The following ZSWIM4 variants were observed in gnomAD, a reference collection of about 807,000 sequenced individuals.
ZSWIM4 encodes the protein zinc finger SWIM-type containing 4, also known as zinc finger SWIM domain-containing protein 4.
Under a neutral mutation model 102.5 loss-of-function variants are expected in ZSWIM4, and 62 were observed. The observed-to-expected ratio is 0.60, with a 90% CI of 0.49 to 0.75. The LOEUF (loss-of-function observed/expected upper bound fraction) is 0.75. Among genes scored for constraint, ZSWIM4 ranks in the 30% least tolerant of loss-of-function variants. ZSWIM4 has a pLI of 0.00. For missense variants in ZSWIM4, 1,280 were observed against 1,529.6 expected (o/e 0.84, Z 2.72); for synonymous variants, 652 against 674.5 (o/e 0.97, Z 0.52).
chr19:13,797,677 G>A (rs546169977), intron 1 of ZSWIM4, among the ~76,000 whole-genome samples: 2 of 152,244 alleles, frequency 1.3e-5, no homozygotes, highest in East Asian at 3.9e-4. Flanking sequence ...TATCTGAAAC[G>A]AGTCTCAGTC....
At chr19:13,817,624 C>A in intron 8 of ZSWIM4, 98 bp from the exon 9 acceptor site, 1 of 1,452,092 alleles carries the variant, frequency 6.9e-7, no homozygotes, top group Non-Finnish European at 9.3e-7. Context: ...CCCTCTAAAG[C>A]CTACCCTGCG....
In ZSWIM4 at chr19:13,805,162, G is replaced by A. The variant is rs202200756; in HGVS notation, c.712+14G>A. The A allele has an allele frequency of 2.0e-4, 319 of 1,588,438 alleles. 1 individual carries two copies. Among genetic ancestry groups the A allele is most frequent in the Non-Finnish European group, 5.2e-5 (61 of 1,171,716 alleles). On this transcript the variant is annotated intron_variant, in intron 3 of 13. Coordinates refer to ENST00000590508, the MANE Select transcript of ZSWIM4 (RefSeq NM_001367834.3). ...ACTTGGTGAATGGTAAGGGCACCCC[G>A]GGGGTCCGGTGGGGAGAGGATGCCC...
intron 3 of ZSWIM4, among the ~76,000 whole-genome samples, chr19:13,806,987 A>C (rs559430728): frequency 2.5e-4 from 38 of 151,904 alleles, no homozygotes; most frequent in African/African-American, 8.9e-4. Context: ...TTGATAATGA[A>C]TGGGTGGTTT....
At chr19:13,800,168 C>T (rs1974724079) in intron 2 of ZSWIM4, among the ~76,000 whole-genome samples, 2 of 146,652 alleles carry the variant, frequency 1.4e-5, no homozygotes, top group Admixed American at 6.8e-5. Flanking sequence ...CCTGGGTTCA[C>T]GCCATTCTGC....
At chr19:13,829,388 C>T (rs1467536133) in intron 13 of ZSWIM4, among the ~76,000 whole-genome samples, 1 of 152,210 alleles carries the variant, frequency 6.6e-6, no homozygotes. Flanking sequence ...GTCAGGAGTT[C>T]GAGACCAGCC....
intron 2 of ZSWIM4, among the ~76,000 whole-genome samples, chr19:13,802,205 T>A (rs954809878): frequency 6.6e-6 from 1 of 150,772 alleles, no homozygotes; most frequent in Non-Finnish European, 1.5e-5. Flanking sequence ...CTCGATCTCC[T>A]GACCTAGTGA....
Position 13,804,907 on chromosome 19 carries a change from T to C in ZSWIM4, c.471T>C (p.Cys157=). The change falls in exon 3 of 14, where the codon TGT becomes TGC. Residue 157 remains cysteine (C), a synonymous_variant. Coordinates refer to ENST00000590508, the MANE Select transcript of ZSWIM4 (RefSeq NM_001367834.3). ...RCKITSVSCG[C]DNRDLFYCAH... ...AGATCACGTCCGTGAGCTGCGGCTG[T>C]GACAACCGCGACCTCTTCTACTGTG... is the stretch of plus-strand genomic sequence containing the variant. 2.5e-6 allele frequency: 4 copies of C among 1,613,568 alleles called. No individual in the cohort carries two copies. Among genetic ancestry groups the C allele is most frequent in the Non-Finnish European group, 3.4e-6 (4 of 1,180,018 alleles).
In ZSWIM4 at chr19:13,828,695, G is replaced by A. The variant is rs1169157574; in HGVS notation, c.2430G>A (p.Val810=). 1 of 1,614,184 alleles carries A rather than the reference G, an allele frequency of 6.2e-7. No homozygotes were observed. The highest frequency in any genetic ancestry group is 1.7e-5 in the Admixed American group (1 of 60,014). The change falls in exon 13 of 14, where the codon GTG becomes GTA. Residue 810 remains valine, a synonymous_variant. Transcript: ENST00000590508. The part of the protein sequence containing the change: ...NVMTWRRREM[V]RWLVSCATEI... ...TGACCTGGCGGCGGAGGGAGATGGT[G>A]CGCTGGCTGGTCAGCTGTGCCACAG...
chr19:13,815,748 G>T (rs1474481904), intron 7 of ZSWIM4, among the ~76,000 whole-genome samples: 1 of 151,646 alleles, frequency 6.6e-6, no homozygotes. Context: ...GGGATTACAG[G>T]TGTAAGCCAC....
At chr19:13,796,013 C>T (rs1974602592) in intron 1 of ZSWIM4, among the ~76,000 whole-genome samples, 2 of 150,862 alleles carry the variant, frequency 1.3e-5, no homozygotes, top group Non-Finnish European at 3.0e-5. Flanking sequence ...CCCATCCCTT[C>T]TCTGCCATCT....
intron 3 of ZSWIM4, 68 bp from the exon 4 acceptor site, chr19:13,808,768 C>G: frequency 6.2e-6 from 8 of 1,297,268 alleles, no homozygotes; most frequent in Middle Eastern, 2.7e-4. Context: ...AAAAGGACAG[C>G]TCTCCTCAAC....
rs1171908403 is a variant in ZSWIM4 at position 13,817,876 on chromosome 19, G to T, written c.1824G>T (p.Val608=). ...AGGGGCTGTACGCCCAGGACAAGGT[G>T]GTGCGCAACGAGGAGCAGCTGCTGG... ...LPEGLYAQDK[V]VRNEEQLLAL... is the part of the protein sequence containing the mutation. The change falls in exon 9 of 14, where the codon GTG becomes GTT. Residue 608 remains valine, a synonymous_variant. Transcript: ENST00000590508. 2 of 1,552,616 alleles carry T rather than the reference G, an allele frequency of 1.3e-6. No individual in the cohort carries two copies. Among genetic ancestry groups the T allele is most frequent in the Non-Finnish European group, 1.7e-6 (2 of 1,147,740 alleles).
At chr19:13,810,512 C>T (rs1443022607) in intron 5 of ZSWIM4, among the ~76,000 whole-genome samples, 2 of 140,742 alleles carry the variant, frequency 1.4e-5, no homozygotes, top group Non-Finnish European at 3.1e-5. Context: ...AGGCTGGTCT[C>T]GAACTCCTGT....
intron 10 of ZSWIM4, 121 bp downstream of exon 10, chr19:13,819,613 C>T: frequency 9.3e-7 from 1 of 1,070,134 alleles, no homozygotes; most frequent in Non-Finnish European, 1.3e-6. Flanking sequence ...TTCAGTCTCT[C>T]TCACCCTGGC....
Position 13,819,412 on chromosome 19 carries a change from C to T in ZSWIM4, c.1980C>T (p.His660=), listed in dbSNP as rs1485631923. The T allele has an allele frequency of 1.2e-6, 2 of 1,612,678 alleles. No homozygotes were observed. The highest frequency in any genetic ancestry group is 2.2e-5 in the South Asian group (2 of 90,680). Residue 660 remains histidine (H), a synonymous_variant, in exon 10 of 14, where the codon CAC becomes CAT. Coordinates refer to ENST00000590508, the MANE Select transcript of ZSWIM4 (RefSeq NM_001367834.3). ...TGTTCCGGGAGAGCGTGCCCATGCACACCTGTGCCCGCTACCTGTTCACCG... is the reference window on the plus strand; with the variant it reads ...TGTTCCGGGAGAGCGTGCCCATGCATACCTGTGCCCGCTACCTGTTCACCG... The part of the protein sequence containing the change: ...EVLFRESVPM[H]TCARYLFTAL...
At chr19:13,800,065 A>ATTTTTTTT (rs71170569) in intron 2 of ZSWIM4, 144 bp downstream of exon 2, 17,658 of 377,686 alleles carry the variant, frequency 0.047, 1,085 homozygotes, top group African/African-American at 0.16. Context: ...ATTGTACAAG[A>ATTTTTTTT]TTTTTTTTTT....
chr19:13,801,661 GT>G (rs1974773276), intron 2 of ZSWIM4, among the ~76,000 whole-genome samples: 1 of 146,664 alleles, frequency 6.8e-6, no homozygotes, highest in Non-Finnish European at 1.5e-5. Context: ...TAGAGTAGAA[GT>G]TTAGAATTCT....
intron 12 of ZSWIM4, among the ~76,000 whole-genome samples, chr19:13,827,352 C>T (rs1975635980): frequency 6.6e-6 from 1 of 151,170 alleles, no homozygotes; most frequent in Non-Finnish European, 1.5e-5. Flanking sequence ...CACCTGTAAT[C>T]CCAGCACTTT....
chr19:13,823,583 T>C (rs1975528552), intron 11 of ZSWIM4, 83 bp downstream of exon 11: 6 of 1,468,658 alleles, frequency 4.1e-6, no homozygotes, highest in South Asian at 1.3e-5. Flanking sequence ...TCCTGCCTCC[T>C]CTTATCCTTT....
Sources: gnomAD v4.1 joint callset for allele counts (sites outside exome capture counted in the v4.1 genomes callset) on GRCh38, gnomAD v4.1.1 for gene constraint, MANE v1.5 for transcripts, NCBI Gene and HGNC (gene_info 2026-07-23, HGNC 2026-07-21) for gene names.